Variants in AAAS observed in about 807,000 individuals in gnomAD.
The protein encoded by AAAS is aladin WD repeat nucleoporin, also known as aladin.
In AAAS, 60 loss-of-function variants were observed where a neutral mutation model predicts 75.6. The ratio of observed to expected loss-of-function variants is 0.79; its 90% CI spans 0.64 to 0.98. AAAS has a LOEUF of 0.98. AAAS is among the 50% of genes least tolerant of loss of function. The pLI is 0.00. For synonymous variants in AAAS, 271 were observed against 265.0 expected, an observed-to-expected ratio of 1.02 and a Z score of -0.22; for missense variants, 658 against 686.9, an observed-to-expected ratio of 0.96 and a Z score of 0.47.
At position 53,321,578 on chromosome 12, in the gene AAAS, G is replaced by C. The variant is rs922459123; in HGVS notation, c.-113C>G. The C allele has an allele frequency of 8.3e-6, 13 of 1,564,940 alleles. No individual in the cohort carries two copies. In the South Asian group the frequency reaches 1.2e-4, roughly 15 times the overall value. The stretch of plus-strand genomic sequence containing the variant: ...ATTCGTATGCGGACGGGTACCGCAA[G>C]GGACAAACGGCGAGGCGGAACTCAA... On this transcript the variant is annotated 5_prime_UTR_variant, in exon 1 of 16. Coordinates refer to ENST00000209873, the MANE Select transcript of AAAS (RefSeq NM_015665.6).
Position 53,308,073 on chromosome 12 carries a change from G to A in AAAS, c.1310C>T (p.Pro437Leu). Reference protein sequence around the residue: ...VILLFRTRNSPVFELLPCGII... With the variant: ...VILLFRTRNSLVFELLPCGII... ...TTACCAGGGAAGGAGCTCAAACACAGGGCTGTTTCGAGTGCGAAAAAGGAG... is the reference window on the plus strand; with the variant it reads ...TTACCAGGGAAGGAGCTCAAACACAAGGCTGTTTCGAGTGCGAAAAAGGAG... The change falls in exon 14 of 16, where the codon CCT (proline) becomes CTT (leucine). Residue 437 changes from proline (P) to leucine (L), a missense_variant. Transcript: ENST00000209873. 1 of 1,614,210 alleles carries A rather than the reference G, an allele frequency of 6.2e-7. No individual in the cohort carries two copies. The highest frequency in any genetic ancestry group is 8.5e-7 in the Non-Finnish European group (1 of 1,180,040).
rs1565781221 is a variant in AAAS, at chr12:53,314,846, G to A, written c.450C>T (p.Ser150=). Residue 150 remains serine, a synonymous_variant, in exon 6 of 16, where the codon TCC becomes TCT. Transcript: ENST00000209873. ...ATGCAAAGACACGCAAGCAGCAGCT[G>A]GACCTAAGGAAGGGGTTAACATGAA... ...IAEFAQVTNW[S]SCCLRVFAWH... is the part of the protein sequence containing the mutation. 6.2e-7 allele frequency: 1 copy of A among 1,613,248 alleles called. No homozygotes were observed. The highest frequency in any genetic ancestry group is 8.5e-7 in the Non-Finnish European group (1 of 1,179,650).
At chr12:53,314,566 A>G (rs771220747) in intron 6 of AAAS, 125 bp from the exon 7 acceptor site, 3 of 1,431,734 alleles carry the variant, frequency 2.1e-6, no homozygotes, top group Non-Finnish European at 2.9e-6. Flanking sequence ...GGGGCACCAT[A>G]GGACAGGAGG....
rs758799104 is a variant in AAAS, at chr12:53,321,338, G to A, written c.123+5C>T. 1.2e-6 allele frequency: 2 copies of A among 1,613,340 alleles called. No individual in the cohort carries two copies. Among genetic ancestry groups the A allele is most frequent in the Non-Finnish European group, 1.7e-6 (2 of 1,179,850 alleles). On this transcript the variant is annotated splice_donor_5th_base_variant and intron_variant, in intron 1 of 15. Transcript: ENST00000209873. ...GTAGGTCCCCTCCCTCCTCGCCCTG[G>A]CCACCTGGCCCCGGAAGTCGGGGGG...
At position 53,308,095 on chromosome 12, in the gene AAAS, G is replaced by A. The variant is rs121918551; in HGVS notation, c.1288C>T (p.Leu430Phe). ...ACAGGGCTGTTTCGAGTGCGAAAAA[G>A]GAGGATGACTGGTTTACCATCCTGT... ...RVQDGKPVILLFRTRNSPVFE... is the reference protein window; with the variant it reads ...RVQDGKPVILFFRTRNSPVFE... Residue 430 changes from leucine (L) to phenylalanine (F), a missense_variant, in exon 14 of 16, where the codon CTT becomes TTT. Leu to Phe is a conservative substitution (Grantham distance 22). Transcript: ENST00000209873. The A allele has an allele frequency of 3.1e-6, 5 of 1,614,190 alleles. No homozygotes were observed. Among genetic ancestry groups the A allele is most frequent in the South Asian group, 2.2e-5 (2 of 91,080 alleles).
At chr12:53,316,280 T>C (rs772939994) in intron 2 of AAAS, among the ~76,000 whole-genome samples, 6 of 150,532 alleles carry the variant, frequency 4.0e-5, no homozygotes, top group South Asian at 2.1e-4. Flanking sequence ...TAAAACCCCG[T>C]CTCTACTAAA....
chr12:53,320,646 G>T lies in AAAS; in HGVS notation c.170C>A (p.Thr57Asn), dbSNP rs773065657. The T allele has an allele frequency of 5.6e-6, 9 of 1,614,066 alleles. No individual in the cohort carries two copies. The African/African-American group carries it at 8.0e-5, about 14-fold the overall frequency. ...VLQLTKDPLK[T>N]PGRLDHGTRT... Reference sequence around the variant, plus strand: ...TGTGCCATGGTCCAGCCTTCCAGGGGTCTTTAGGGGATCCTTTGTCAGTTG... The same window carrying T: ...TGTGCCATGGTCCAGCCTTCCAGGGTTCTTTAGGGGATCCTTTGTCAGTTG... The change falls in exon 2 of 16, where the codon ACC becomes AAC. Residue 57 changes from threonine (T) to asparagine (N), a missense_variant. Transcript: ENST00000209873.
In AAAS at chr12:53,309,693, A is replaced by C. The variant is rs746421299; in HGVS notation, c.718T>G (p.Ser240Ala). The C allele has an allele frequency of 3.1e-6, 5 of 1,613,324 alleles. No homozygotes were observed. The African/African-American group carries it at 5.3e-5, about 17-fold the overall frequency. The change falls in exon 8 of 16, where the codon TCT becomes GCT. Residue 240 changes from serine (S) to alanine (A), a missense_variant. By Grantham distance (99) the Ser-to-Ala change is moderately conservative. Coordinates refer to ENST00000209873, the MANE Select transcript of AAAS (RefSeq NM_015665.6). ...RPSSGCAQVL[S>A]HPGHTPVTSL... ...GTAACAGGTGTATGCCCAGGGTGAG[A>C]CAGCACTTGGGCACAGCCAGAAGAG...
intron 7 of AAAS, 139 bp from the exon 8 acceptor site, chr12:53,309,860 A>C: frequency 1.5e-6 from 2 of 1,318,824 alleles, no homozygotes; most frequent in South Asian, 2.6e-5. Context: ...AAAAGGAATA[A>C]GGATTGTGAA....
intron 7 of AAAS, among the ~76,000 whole-genome samples, chr12:53,311,579 T>C (rs1944389045): frequency 1.3e-5 from 2 of 152,096 alleles, no homozygotes; most frequent in African/African-American, 2.4e-5. Flanking sequence ...ATAGCCACTG[T>C]ATTCCAGCCT....
chr12:53,317,046 C>T (rs1052667415), intron 2 of AAAS, among the ~76,000 whole-genome samples: 6 of 150,976 alleles, frequency 4.0e-5, no homozygotes, highest in Non-Finnish European at 5.9e-5. Context: ...TCCATGTTTG[C>T]GCCACTGCAC....
At chr12:53,307,966 A>T (rs910652294) in intron 14 of AAAS, 37 bp from the exon 15 acceptor site, 4 of 1,613,314 alleles carry the variant, frequency 2.5e-6, no homozygotes, top group Non-Finnish European at 3.4e-6. Context: ...GGAGGCAAGA[A>T]GGGAGCTGAA....
chr12:53,321,532 G>A lies in AAAS; in HGVS notation c.-67C>T. ...CCGGAACGGCACAGACCGCACTCCC[G>A]CAACTCGGTTCCCGGGCTAGATTCG... is the stretch of plus-strand genomic sequence containing the variant. On this transcript the variant is annotated 5_prime_UTR_variant, in exon 1 of 16. Coordinates refer to ENST00000209873, the MANE Select transcript of AAAS (RefSeq NM_015665.6). The A allele has an allele frequency of 1.2e-6, 2 of 1,609,736 alleles. No individual in the cohort carries two copies. Among genetic ancestry groups the A allele is most frequent in the Non-Finnish European group, 1.7e-6 (2 of 1,179,470 alleles).
chr12:53,312,648 C>G (rs1232636902), intron 7 of AAAS, among the ~76,000 whole-genome samples: 1 of 151,396 alleles, frequency 6.6e-6, no homozygotes, highest in Non-Finnish European at 1.5e-5. Context: ...TTTTATAATT[C>G]TTCTATTTTC....
intron 2 of AAAS, among the ~76,000 whole-genome samples, chr12:53,317,134 C>T (rs1944474433): frequency 6.6e-6 from 1 of 151,172 alleles, no homozygotes; most frequent in African/African-American, 2.4e-5. Context: ...AGTTAAGAAT[C>T]TACTTCAGGG....
chr12:53,315,477 C>G (rs1298450832), intron 3 of AAAS, 51 bp from the exon 4 acceptor site: 1 of 1,523,040 alleles, frequency 6.6e-7, no homozygotes, highest in Non-Finnish European at 9.0e-7. Flanking sequence ...GGCCTCTTAC[C>G]AGGTACCTTC....
At chr12:53,309,454 C>A (rs189867598) in intron 8 of AAAS, 147 bp downstream of exon 8, 1 of 1,524,120 alleles carries the variant, frequency 6.6e-7, no homozygotes, top group Non-Finnish European at 9.0e-7. Flanking sequence ...TTAAACCTCA[C>A]GAGTCTGATG....
In AAAS at chr12:53,314,867, A is replaced by G. The variant is rs781006441; in HGVS notation, c.447-18T>C. Reference sequence around the variant, plus strand: ...AGCTGGACCTAAGGAAGGGGTTAACATGAAGAGTTCCTGCACCTATCCCTA... The same window carrying G: ...AGCTGGACCTAAGGAAGGGGTTAACGTGAAGAGTTCCTGCACCTATCCCTA... On this transcript the variant is annotated intron_variant, in intron 5 of 15. Coordinates refer to ENST00000209873, the MANE Select transcript of AAAS (RefSeq NM_015665.6). 1 of 1,608,284 alleles carries G rather than the reference A, an allele frequency of 6.2e-7. No homozygotes were observed. Among genetic ancestry groups the G allele is most frequent in the African/African-American group, 1.3e-5 (1 of 74,946 alleles).
chr12:53,308,165 A>G (rs762983465), intron 13 of AAAS, 32 bp from the exon 14 acceptor site: 21 of 1,612,206 alleles, frequency 1.3e-5, no homozygotes, highest in Non-Finnish European at 1.8e-5. Context: ...ATAGGGGAGG[A>G]ACTCTGAAGG....
Sources: gnomAD v4.1 joint callset for allele counts (sites outside exome capture counted in the v4.1 genomes callset) on GRCh38, gnomAD v4.1.1 for gene constraint, MANE v1.5 for transcripts, NCBI Gene and HGNC (gene_info 2026-07-23, HGNC 2026-07-21) for gene names.